The following BANK1 variants were observed in gnomAD, a reference collection of about 807,000 sequenced individuals.
The protein encoded by BANK1 is B-cell scaffold protein with ankyrin repeats.
In BANK1, 95 loss-of-function variants were observed where a neutral mutation model predicts 94.5. The observed-to-expected ratio is 1.00, with a 90% CI of 0.85 to 1.19. BANK1 has a LOEUF of 1.19. Among genes scored for constraint, BANK1 ranks in the 50% most tolerant of loss-of-function variants. The probability of loss-of-function intolerance (pLI) is 0.00; values close to 1 mark genes in which losing one functional copy is unlikely to be tolerated. For missense variants in BANK1, 987 were observed against 932.2 expected (o/e 1.06, Z -0.77); for synonymous variants, 334 against 308.4 (o/e 1.08, Z -0.87).
intron 7 of BANK1, among the ~76,000 whole-genome samples, chr4:101,945,925 A>G (rs1385919493): frequency 6.6e-6 from 1 of 152,006 alleles, no homozygotes; most frequent in Admixed American, 6.6e-5. Flanking sequence ...ATTGGCAAAA[A>G]TACAACTTAT....
At chr4:101,910,658 C>T (rs1461025310) in intron 6 of BANK1, among the ~76,000 whole-genome samples, 1 of 143,644 alleles carries the variant, frequency 7.0e-6, no homozygotes, top group Non-Finnish European at 1.5e-5. Context: ...CGCACCATTG[C>T]ACTCCAGCCT....
At chr4:101,800,770 T>A (rs878881256) in intron 1 of BANK1, among the ~76,000 whole-genome samples, 4 of 152,206 alleles carry the variant, frequency 2.6e-5, no homozygotes, top group Non-Finnish European at 4.4e-5. Flanking sequence ...TTTTTCAAAT[T>A]TTTTGAGATG....
At chr4:101,953,187 G>T (rs571822417) in intron 7 of BANK1, among the ~76,000 whole-genome samples, 1 of 152,268 alleles carries the variant, frequency 6.6e-6, no homozygotes, top group Non-Finnish European at 1.5e-5. Flanking sequence ...GGAGGTGATC[G>T]TGCTCTTTCA....
intron 2 of BANK1, among the ~76,000 whole-genome samples, chr4:101,853,685 T>G (rs1727578022): frequency 6.6e-6 from 1 of 152,138 alleles, no homozygotes; most frequent in Non-Finnish European, 1.5e-5. Context: ...AATGGAATAT[T>G]AATGACTCTA....
intron 4 of BANK1, among the ~76,000 whole-genome samples, chr4:101,869,477 C>T (rs1728200459): frequency 6.6e-6 from 1 of 151,808 alleles, no homozygotes; most frequent in Non-Finnish European, 1.5e-5. Context: ...GAGGTGTCTA[C>T]TCAAGAAATA....
chr4:101,797,624 T>C (rs6846864), intron 1 of BANK1, among the ~76,000 whole-genome samples: 5,208 of 152,200 alleles, frequency 0.034, 308 homozygotes, highest in African/African-American at 0.12. Context: ...GACAAAAATG[T>C]GAAGAATGAC....
chr4:101,950,668 T>G (rs1451028901), intron 7 of BANK1, among the ~76,000 whole-genome samples: 1 of 152,208 alleles, frequency 6.6e-6, no homozygotes, highest in Non-Finnish European at 1.5e-5. Context: ...AAGCTGTACA[T>G]AATGACTTCC....
chr4:101,974,916 C>T (rs186313371), intron 7 of BANK1, among the ~76,000 whole-genome samples: 15 of 152,210 alleles, frequency 9.9e-5, no homozygotes, highest in African/African-American at 2.2e-4. Flanking sequence ...AAGATCATGC[C>T]GTTGCACTCC....
rs1232571726 is a variant in BANK1 at position 101,790,760 on chromosome 4, A to G, written c.-121A>G. 1.8e-6 allele frequency: 2 copies of G among 1,112,472 alleles called. No homozygotes were observed. Among genetic ancestry groups the G allele is most frequent in the East Asian group, 2.6e-5 (1 of 38,116 alleles). 68.9% of individuals were successfully genotyped at this position (1,112,472 alleles called of 1,614,324 possible). A position where few individuals can be genotyped will look rare whatever the true frequency, so the allele number is the denominator to read the frequency against. On this transcript the variant is annotated 5_prime_UTR_variant, in exon 1 of 17. Coordinates refer to ENST00000322953, the MANE Select transcript of BANK1 (RefSeq NM_017935.5). ...CTGGCCGCAGCCTCCGCGGGTGGCA[A>G]GCGGGCTGGGGAGAGCCGAGGGCCA...
Position 102,030,661 on chromosome 4 carries a change from C to T in BANK1, c.1900+396C>T, listed in dbSNP as rs1352817146. Among the ~76,000 whole-genome samples, 4 of 145,688 alleles carry T rather than the reference C, an allele frequency of 2.7e-5. No individual in the cohort carries two copies. The East Asian group carries it at 9.0e-4, about 33-fold the overall frequency. ...GTGTCCATGTGTTCTCATCTTTCAA[C>T]TCCCACTTATGAGTGAGAACATGCA... On this transcript the variant is annotated intron_variant, in intron 10 of 16. Transcript: ENST00000322953.
intron 7 of BANK1, among the ~76,000 whole-genome samples, chr4:101,921,169 C>T (rs1015002424): frequency 4.1e-4 from 62 of 151,934 alleles, no homozygotes; most frequent in African/African-American, 1.4e-3. Context: ...GTTTTCAGTG[C>T]TATTACTGGA....
intron 2 of BANK1, among the ~76,000 whole-genome samples, chr4:101,844,030 A>G (rs1727156738): frequency 6.6e-6 from 1 of 152,220 alleles, no homozygotes; most frequent in South Asian, 2.1e-4. Flanking sequence ...TCCACTAAAT[A>G]ATGGTTTTAG....
intron 1 of BANK1, among the ~76,000 whole-genome samples, chr4:101,818,610 G>A (rs946949427): frequency 2.6e-5 from 4 of 152,070 alleles, no homozygotes; most frequent in African/African-American, 9.7e-5. Flanking sequence ...TCCAAAAATA[G>A]TAATATATTT....
chr4:101,880,389 A>G (rs576929596), intron 5 of BANK1, among the ~76,000 whole-genome samples: 2 of 152,116 alleles, frequency 1.3e-5, no homozygotes, highest in East Asian at 1.9e-4. Context: ...AGTGAAAGAT[A>G]TCTATAATTA....
chr4:101,884,324 A>G lies in BANK1; in HGVS notation c.904-10981A>G, dbSNP rs186055511. ...ACTTGAGTTTTCAGCAGCAATTAAC[A>G]CCATTGACCAAAGTTACTGTCCTGA... On this transcript the variant is annotated intron_variant, in intron 5 of 16. Coordinates refer to ENST00000322953, the MANE Select transcript of BANK1 (RefSeq NM_017935.5). Among the ~76,000 whole-genome samples, 868 of 152,234 alleles carry G rather than the reference A, an allele frequency of 5.7e-3. 10 individuals carry two copies. Among genetic ancestry groups the G allele is most frequent in the African/African-American group, 0.019 (809 of 41,546 alleles).
chr4:101,938,295 AC>A (rs1037443909), intron 7 of BANK1, among the ~76,000 whole-genome samples: 2 of 151,632 alleles, frequency 1.3e-5, no homozygotes, highest in African/African-American at 4.8e-5. Flanking sequence ...GTTACCAGAG[AC>A]TGGAAAAGGT....
intron 12 of BANK1, 86 bp downstream of exon 12, chr4:102,060,475 G>A: frequency 7.1e-7 from 1 of 1,400,992 alleles, no homozygotes; most frequent in Non-Finnish European, 9.6e-7. Context: ...GAGGAATACA[G>A]GTAACTGTTC....
intron 7 of BANK1, among the ~76,000 whole-genome samples, chr4:101,936,186 G>GAT (rs59723463): frequency 0.44 from 64,758 of 146,698 alleles, 14,350 homozygotes; most frequent in South Asian, 0.53. Flanking sequence ...AAATATATAT[G>GAT]ATATATATAT....
chr4:101,947,412 A>G (rs1335948143), intron 7 of BANK1, among the ~76,000 whole-genome samples: 4 of 150,542 alleles, frequency 2.7e-5, no homozygotes, highest in African/African-American at 7.3e-5. Flanking sequence ...TGGGATGCCC[A>G]TGAGTCTAGA....
Sources: gnomAD v4.1 joint callset for allele counts (sites outside exome capture counted in the v4.1 genomes callset) on GRCh38, gnomAD v4.1.1 for gene constraint, MANE v1.5 for transcripts, NCBI Gene and HGNC (gene_info 2026-07-23, HGNC 2026-07-21) for gene names.